The following MAPK12 variants were observed in gnomAD, a reference collection of about 807,000 sequenced individuals.
MAPK12 encodes the protein mitogen-activated protein kinase 12.
A neutral mutation model predicts 49.1 loss-of-function variants in MAPK12; 49 were observed. The observed-to-expected ratio is 1.00, with a 90% CI of 0.79 to 1.27. The LOEUF is 1.27. Ranked by LOEUF, MAPK12 falls within the 50% of genes most tolerant of loss-of-function variation. MAPK12 has a pLI of 0.00. For missense variants in MAPK12, 554 were observed against 502.4 expected, an observed-to-expected ratio of 1.10 and a Z score of -0.98; for synonymous variants, 251 against 209.7, an observed-to-expected ratio of 1.20 and a Z score of -1.70.
Position 50,261,452 on chromosome 22 carries a change from C to T in MAPK12, c.58G>A (p.Ala20Thr). 7.8e-7 allele frequency: 1 copy of T among 1,282,670 alleles called. No homozygotes were observed. Among genetic ancestry groups the T allele is most frequent in the Admixed American group, 2.5e-5 (1 of 39,756 alleles). 79.5% of individuals were successfully genotyped at this position (1,282,670 alleles called of 1,614,324 possible). ...CGGTACACGGCGCGCACCTCCCAGG[C>T]CGTCTTGGTCACCTCCTGGCGGTAA... ...GFYRQEVTKT[A>T]WEVRAVYRDL... The change falls in exon 1 of 12, where the codon GCC becomes ACC. Residue 20 changes from alanine (A) to threonine (T), a missense_variant. Physicochemically the swap from Ala to Thr is moderately conservative, Grantham distance 58. Coordinates refer to ENST00000215659, the MANE Select transcript of MAPK12 (RefSeq NM_002969.6).
intron 2 of MAPK12, among the ~76,000 whole-genome samples, chr22:50,258,726 G>A (rs117095205): frequency 4.3e-4 from 65 of 152,332 alleles, no homozygotes; most frequent in Non-Finnish European, 8.1e-4. Flanking sequence ...GGACAGCACC[G>A]TGACCCACCA....
At chr22:50,261,091 C>A in intron 2 of MAPK12, 76 bp downstream of exon 2, 1 of 1,413,828 alleles carries the variant, frequency 7.1e-7, no homozygotes. Context: ...GGAGGGGTTG[C>A]CGGGTGGGGG....
rs532163968 is a variant in MAPK12 at position 50,261,408 on chromosome 22, G to GC, written c.101dup (p.Ser35LeufsTer18). ...ACCACACCGCGCCGTAGGCGCCCGA[G>GC]CCCACGGGCTGCAGGTCCCGGTACA... On this transcript the variant is annotated frameshift_variant, in exon 1 of 12. Transcript: ENST00000215659. LOFTEE classifies it high-confidence loss of function. 1.1e-3 allele frequency: 1,300 copies of GC among 1,225,072 alleles called. 3 individuals carry two copies. The highest frequency in any genetic ancestry group is 6.0e-3 in the Middle Eastern group (20 of 3,342). The allele number at this position is 1,225,072 out of a possible 1,614,324, so 75.9% of individuals were successfully genotyped here.
rs2065163493 is a variant in MAPK12 at position 50,257,601 on chromosome 22, A to G, written c.315-408T>C. On this transcript the variant is annotated intron_variant, in intron 3 of 11. Transcript: ENST00000215659. Reference sequence around the variant, plus strand: ...TCAACTTCACAACTTTGTGCCAGAAATGAGGGAGGTGCCTGGGGGCGATGG... The same window carrying G: ...TCAACTTCACAACTTTGTGCCAGAAGTGAGGGAGGTGCCTGGGGGCGATGG... 3 of 552,530 alleles carry G rather than the reference A, an allele frequency of 5.4e-6. No homozygotes were observed. The South Asian group carries it at 6.2e-5, about 11-fold the overall frequency. 34.2% of individuals were successfully genotyped at this position (552,530 alleles called of 1,614,324 possible).
chr22:50,255,215 T>G lies in MAPK12; in HGVS notation c.1006A>C (p.Thr336Pro). 21 of 1,613,804 alleles carry G rather than the reference T, an allele frequency of 1.3e-5. No homozygotes were observed. Among genetic ancestry groups the G allele is most frequent in the Non-Finnish European group, 1.8e-5 (21 of 1,179,962 alleles). Residue 336 changes from threonine (T) to proline (P), a missense_variant, in exon 11 of 12, where the codon ACA becomes CCA. By Grantham distance (38) the Thr-to-Pro change is conservative. Transcript: ENST00000215659. ...CACTCACGCTTCCATTCATCCAGTG[T>G]GCGGTCAACGTCGTCAAAGGAGTCA... ...YDDSFDDVDRTLDEWKRVTYK... is the reference protein window; with the variant it reads ...YDDSFDDVDRPLDEWKRVTYK...
intron 3 of MAPK12, chr22:50,257,948 G>A (rs2065167903): frequency 1.3e-6 from 1 of 771,188 alleles, no homozygotes; most frequent in African/African-American, 1.7e-5. Flanking sequence ...GGACCTTCCT[G>A]TTAACAAATG....
At chr22:50,258,435 G>C (rs1017588931) in intron 2 of MAPK12, 134 bp from the exon 3 acceptor site, 11 of 782,066 alleles carry the variant, frequency 1.4e-5, no homozygotes, top group Middle Eastern at 3.0e-4. Context: ...CAAAGGGCCT[G>C]GCTCTGCCCA....
chr22:50,256,914 G>C (rs546735099), intron 5 of MAPK12, 21 bp downstream of exon 5: 2 of 1,603,596 alleles, frequency 1.2e-6, no homozygotes, highest in Non-Finnish European at 1.7e-6. Context: ...GCTGATGAGC[G>C]GCTTCTCCAC....
intron 2 of MAPK12, among the ~76,000 whole-genome samples, chr22:50,259,304 G>A (rs903811864): frequency 1.3e-5 from 2 of 152,098 alleles, no homozygotes. Flanking sequence ...CCGGGAGAGT[G>A]CTTTAGCAGA....
intron 3 of MAPK12, chr22:50,257,824 C>A: frequency 2.8e-6 from 2 of 719,478 alleles, no homozygotes; most frequent in South Asian, 3.0e-5. Context: ...CCAGGGTGGT[C>A]GGCTGCAGGG....
chr22:50,260,211 G>A (rs1183493010), intron 2 of MAPK12, among the ~76,000 whole-genome samples: 3 of 151,990 alleles, frequency 2.0e-5, no homozygotes, highest in Non-Finnish European at 4.4e-5. Flanking sequence ...AGTAGCGGTG[G>A]CCAGGAACCG....
chr22:50,255,077 C>A (rs762323163), intron 11 of MAPK12, 120 bp downstream of exon 11: 1 of 1,527,544 alleles, frequency 6.5e-7, no homozygotes, highest in Non-Finnish European at 8.8e-7. Context: ...TACCCGGAGC[C>A]CCCAACTCAC....
chr22:50,254,890 C>A lies in MAPK12; in HGVS notation c.1024+307G>T, dbSNP rs2065132063. On this transcript the variant is annotated intron_variant, in intron 11 of 11. Coordinates refer to ENST00000215659, the MANE Select transcript of MAPK12 (RefSeq NM_002969.6). ...TGTGCCAGCCTCTGTGCTGAGCCTG[C>A]CAGGAACACCCTTCCCTTCAACTTC... 3.2e-6 allele frequency: 4 copies of A among 1,262,652 alleles called. No individual in the cohort carries two copies. The Admixed American group carries it at 1.4e-4, about 43-fold the overall frequency. 78.2% of individuals were successfully genotyped at this position (1,262,652 alleles called of 1,614,324 possible). A position where few individuals can be genotyped will look rare whatever the true frequency, so the allele number is the denominator to read the frequency against.
In MAPK12 at chr22:50,261,147, A is replaced by T. The variant is rs779410284; in HGVS notation, c.255+20T>A. 2.6e-6 allele frequency: 4 copies of T among 1,564,014 alleles called. No individual in the cohort carries two copies. The South Asian group carries it at 4.6e-5, about 18-fold the overall frequency. ...AGCCGAGGCCGCGGCGCCTTCCCGG[A>T]GCGGGGCCGCGCGACTCACGTTCTC... is the stretch of plus-strand genomic sequence containing the variant. On this transcript the variant is annotated intron_variant, in intron 2 of 11. Coordinates refer to ENST00000215659, the MANE Select transcript of MAPK12 (RefSeq NM_002969.6).
Position 50,253,437 on chromosome 22 carries a change from C to G in MAPK12, c.1068G>C (p.Gln356His). ...TCTCCTTGGAGACCCTGGCCCCCAG[C>G]TGCCGGGGAGGCTTGAAGCTGAGCA... ...KEVLSFKPPR[Q>H]LGARVSKETP... Residue 356 changes from glutamine (Q) to histidine (H), a missense_variant, in exon 12 of 12, where the codon CAG becomes CAC. Physicochemically the swap from Gln to His is conservative, Grantham distance 24 (BLOSUM62 0). Coordinates refer to ENST00000215659, the MANE Select transcript of MAPK12 (RefSeq NM_002969.6). 7.3e-7 allele frequency: 1 copy of G among 1,377,234 alleles called. No individual in the cohort carries two copies. The highest frequency in any genetic ancestry group is 3.7e-5 in the East Asian group (1 of 26,668). 85.3% of individuals were successfully genotyped at this position (1,377,234 alleles called of 1,614,324 possible).
Position 50,255,827 on chromosome 22 carries a change from A to G in MAPK12, c.674T>C (p.Leu225Pro), listed in dbSNP as rs768008775. The part of the protein sequence containing the change: ...IMAEMITGKT[L>P]FKGSDHLDQL... ...GAGGATACGGTCGCTGCCCTTGAAC[A>G]GCGTCTTGCCTGTGATCATCTCCGC... Residue 225 changes from leucine (L) to proline (P), a missense_variant, in exon 8 of 12, where the codon CTG becomes CCG. Transcript: ENST00000215659. 6.2e-6 allele frequency: 10 copies of G among 1,612,678 alleles called. No individual in the cohort carries two copies. In the East Asian group the frequency reaches 1.1e-4, roughly 18 times the overall value.
At chr22:50,258,364 G>A (rs1340604576) in intron 2 of MAPK12, 63 bp from the exon 3 acceptor site, 3 of 1,396,094 alleles carry the variant, frequency 2.1e-6, no homozygotes, top group East Asian at 4.6e-5. Flanking sequence ...CCCCCCAAGA[G>A]TGGCACAACC....
At chr22:50,258,114 G>T in intron 3 of MAPK12, 129 bp downstream of exon 3, 1 of 846,576 alleles carries the variant, frequency 1.2e-6, no homozygotes, top group South Asian at 1.4e-5. Flanking sequence ...ATGGGGAGGG[G>T]GTGGGCGGTG....
chr22:50,256,337 C>T, intron 6 of MAPK12, 138 bp from the exon 7 acceptor site: 2 of 749,668 alleles, frequency 2.7e-6, no homozygotes, highest in South Asian at 3.6e-5. Context: ...GGACTTGAGG[C>T]CACGCCCTCG....
Sources: gnomAD v4.1 joint callset for allele counts (sites outside exome capture counted in the v4.1 genomes callset) on GRCh38, gnomAD v4.1.1 for gene constraint, MANE v1.5 for transcripts, NCBI Gene and HGNC (gene_info 2026-07-23, HGNC 2026-07-21) for gene names.